Variants in NPC1L1 observed in about 807,000 individuals in gnomAD.
The protein encoded by NPC1L1 is NPC1-like intracellular cholesterol transporter 1.
Under a neutral mutation model 117.0 loss-of-function variants are expected in NPC1L1, and 98 were observed. The observed-to-expected ratio is 0.84, with a 90% CI of 0.71 to 0.99. NPC1L1 has a LOEUF of 0.99. Among genes scored for constraint, NPC1L1 ranks in the 50% least tolerant of loss-of-function variants. The pLI is 0.00. For synonymous variants in NPC1L1, 729 were observed against 727.6 expected (o/e 1.00, Z -0.03); for missense variants, 1,540 against 1,710.0 (o/e 0.90, Z 1.75).
rs1333085397 is a variant in NPC1L1, at chr7:44,522,152, AGTTGTAGCCCAAG to A, written c.2715_2727del (p.Leu906SerfsTer7). On this transcript the variant is annotated frameshift_variant, in exon 11 of 19. Coordinates refer to ENST00000381160, the MANE Select transcript of NPC1L1 (RefSeq NM_001101648.2). LOFTEE classifies it high-confidence loss of function. ...GCATTCATCCCAGCCTCGCTGGAGA[AGTTGTAGCCCAAG>A]GTGGTAACAAAGTACACCGGGGCCC... 6.2e-7 allele frequency: 1 copy of A among 1,613,882 alleles called. No homozygotes were observed. The highest frequency in any genetic ancestry group is 8.5e-7 in the Non-Finnish European group (1 of 1,179,974).
rs949636892 is a variant in NPC1L1, at chr7:44,534,311, G to A, written c.2166+136C>T. Reference sequence around the variant, plus strand: ...ACACACTCTAGTTTCTACAGATATTGTAAACATGCGTGTCGATGAACAGAA... The same window carrying A: ...ACACACTCTAGTTTCTACAGATATTATAAACATGCGTGTCGATGAACAGAA... On this transcript the variant is annotated intron_variant, in intron 6 of 18. Transcript: ENST00000381160. The surrounding 1 kb of genome is among the most constrained non-coding windows in gnomAD (Gnocchi z 5.2). 1.2e-6 allele frequency: 1 copy of A among 846,036 alleles called. No individual in the cohort carries two copies. Among genetic ancestry groups the A allele is most frequent in the African/African-American group, 1.7e-5 (1 of 60,104 alleles). 52.4% of individuals were successfully genotyped at this position (846,036 alleles called of 1,614,324 possible).
intron 12 of NPC1L1, 99 bp downstream of exon 12, chr7:44,521,613 G>T: frequency 6.4e-7 from 1 of 1,566,506 alleles, no homozygotes; most frequent in Non-Finnish European, 8.8e-7. Context: ...TGCAGGATGC[G>T]TGGGAGAGGT....
chr7:44,518,806 G>C, intron 14 of NPC1L1: 23 of 946,594 alleles, frequency 2.4e-5, no homozygotes, highest in Non-Finnish European at 3.0e-5. Context: ...AGCAGGGGAG[G>C]TGCCTGGAGA....
At chr7:44,520,004 G>T (rs1439327768) in intron 14 of NPC1L1, among the ~76,000 whole-genome samples, 1 of 152,066 alleles carries the variant, frequency 6.6e-6, no homozygotes, top group Non-Finnish European at 1.5e-5. Context: ...AGGAGGCCGG[G>T]CACAGTGGCT....
At position 44,539,417 on chromosome 7, in the gene NPC1L1, T is replaced by C; in HGVS notation, c.980A>G (p.Asp327Gly). The C allele has an allele frequency of 1.2e-6, 2 of 1,614,128 alleles. No homozygotes were observed. Among genetic ancestry groups the C allele is most frequent in the Non-Finnish European group, 1.7e-6 (2 of 1,180,008 alleles). The change falls in exon 2 of 19, where the codon GAC becomes GGC. Residue 327 changes from aspartate to glycine, a missense_variant. Around this residue, in one of 3 missense-constraint regions of NPC1L1, gnomAD observed 793 missense variants for 820.4 expected, o/e 0.97. Coordinates refer to ENST00000381160, the MANE Select transcript of NPC1L1 (RefSeq NM_001101648.2). This position sits in a 1 kb window ranked among gnomAD's most constrained non-coding sequence, Gnocchi z 4.4. ...VDPKKGTSLS[D>G]KLSFSTHTLL... ...GGTGTGGGTGGAGAAGCTGAGCTTG[T>C]CAGAGAGGCTGGTGCCCTTCTTGGG...
intron 10 of NPC1L1, among the ~76,000 whole-genome samples, chr7:44,529,153 ACACACACACACG>A (rs1801619858): frequency 1.5e-5 from 2 of 135,530 alleles, no homozygotes; most frequent in Non-Finnish European, 1.6e-5. Context: ...ACACACACAC[ACACACACACACG>A]ATCGAGATTG....
chr7:44,518,669 C>CAAAAA, intron 14 of NPC1L1: 1 of 944,776 alleles, frequency 1.1e-6, no homozygotes, highest in South Asian at 1.8e-5. Flanking sequence ...AACTGTGTCT[C>CAAAAA]AAAAAAAAAA....
chr7:44,536,594 C>A lies in NPC1L1; in HGVS notation c.1682-166G>T, dbSNP rs1306902380. ...TGATACATGGCCTTACCTCCTACAC[C>A]CCACTTCTCTCAGCCAAAGGCGAGA... is the stretch of plus-strand genomic sequence containing the variant. On this transcript the variant is annotated intron_variant, in intron 3 of 18. Transcript: ENST00000381160. The surrounding 1 kb of genome is among the most constrained non-coding windows in gnomAD (Gnocchi z 4.7). Among the ~76,000 whole-genome samples, 2 of 150,906 alleles carry A rather than the reference C, an allele frequency of 1.3e-5. No homozygotes were observed. Among genetic ancestry groups the A allele is most frequent in the Non-Finnish European group, 2.9e-5 (2 of 67,976 alleles).
rs749651557 is a variant in NPC1L1, at chr7:44,540,299, C to A, written c.98G>T (p.Cys33Phe). The A allele has an allele frequency of 1.9e-5, 30 of 1,613,698 alleles. No homozygotes were observed. The highest frequency in any genetic ancestry group is 2.5e-5 in the Non-Finnish European group (30 of 1,180,018). ...CTTCCCACATTCGTCATAGAAGGCG[C>A]AGTAGCCAGGCTGGTGGATGGTTGT... ...PYTTIHQPGY[C>F]AFYDECGKNP... Residue 33 changes from cysteine (C) to phenylalanine (F), a missense_variant, in exon 2 of 19, where the codon TGC (cysteine) becomes TTC (phenylalanine). Transcript: ENST00000381160.
intron 14 of NPC1L1, chr7:44,518,569 T>TGAGGCAGGAGAATTACTTG (rs1801257885): frequency 2.5e-6 from 1 of 397,994 alleles, no homozygotes; most frequent in African/African-American, 2.1e-5. Flanking sequence ...CTAGGGAGGC[T>TGAGGCAGGAGAATTACTTG]GAGGCAGGAG....
chr7:44,523,666 A>G (rs1801426360), intron 10 of NPC1L1, among the ~76,000 whole-genome samples: 1 of 151,978 alleles, frequency 6.6e-6, no homozygotes, highest in African/African-American at 2.4e-5. Context: ...AGAGTGGGAG[A>G]CCGATCTGGG....
At chr7:44,520,615 G>A in intron 14 of NPC1L1, 150 bp downstream of exon 14, 1 of 757,776 alleles carries the variant, frequency 1.3e-6, no homozygotes, top group Non-Finnish European at 2.4e-6. Flanking sequence ...TGTGGAGCTG[G>A]GAAACAAGAC....
chr7:44,534,434 C>T lies in NPC1L1; in HGVS notation c.2166+13G>A. On this transcript the variant is annotated intron_variant, in intron 6 of 18. Coordinates refer to ENST00000381160, the MANE Select transcript of NPC1L1 (RefSeq NM_001101648.2). The surrounding 1 kb of genome is among the most constrained non-coding windows in gnomAD (Gnocchi z 5.2). ...TGGGCAGTTGGGGGTGTGGAGAGCT[C>T]CTCCCTTCTTACCTGGTACTCGAGA... is the stretch of plus-strand genomic sequence containing the variant. The T allele has an allele frequency of 6.2e-7, 1 of 1,613,808 alleles. No homozygotes were observed. The highest frequency in any genetic ancestry group is 2.2e-5 in the East Asian group (1 of 44,878).
At chr7:44,540,994 CCT>C (rs1802085503) in intron 1 of NPC1L1, among the ~76,000 whole-genome samples, 1 of 152,078 alleles carries the variant, frequency 6.6e-6, no homozygotes, top group African/African-American at 2.4e-5. Context: ...CTCTTTCACC[CCT>C]GTGTGCATTC....
chr7:44,514,191 A>T (rs1468855127), intron 18 of NPC1L1, among the ~76,000 whole-genome samples: 1 of 152,152 alleles, frequency 6.6e-6, no homozygotes, highest in Non-Finnish European at 1.5e-5. Context: ...ACCCCTCTAT[A>T]AATGTCCTCT....
At chr7:44,523,135 A>C (rs1388616827) in intron 10 of NPC1L1, among the ~76,000 whole-genome samples, 1 of 152,158 alleles carries the variant, frequency 6.6e-6, no homozygotes, top group East Asian at 1.9e-4. Context: ...TGCTCACTGC[A>C]ACCTCCGCCT....
At chr7:44,532,326 C>A (rs1156303558) in intron 8 of NPC1L1, 109 bp from the exon 9 acceptor site, 2 of 1,310,962 alleles carry the variant, frequency 1.5e-6, no homozygotes, top group East Asian at 2.3e-5. Flanking sequence ...CGTGCCAGTG[C>A]CCTCATGGAG....
chr7:44,527,319 G>A (rs1020111488), intron 10 of NPC1L1, among the ~76,000 whole-genome samples: 6 of 151,706 alleles, frequency 4.0e-5, no homozygotes, highest in South Asian at 2.1e-4. Context: ...TTAGCCTGGC[G>A]TGGTGGCACA....
rs1801979353 is a variant in NPC1L1, at chr7:44,538,838, T to A, written c.1559A>T (p.Asp520Val). 1 of 1,614,144 alleles carries A rather than the reference T, an allele frequency of 6.2e-7. No homozygotes were observed. The highest frequency in any genetic ancestry group is 8.5e-7 in the Non-Finnish European group (1 of 1,180,030). ...TCACTTGGCACAGTACAGAAAATGG[T>A]CCTTCCAGTCGACTTGGGAGGTCTG... Reference protein sequence around the residue: ...MGQTSQVDWKDHFLYCANAPL... With the variant: ...MGQTSQVDWKVHFLYCANAPL... The change falls in exon 2 of 19, where the codon GAC becomes GTC. Residue 520 changes from aspartate (D) to valine (V), a missense_variant. Asp to Val is a radical substitution (Grantham distance 152, BLOSUM62 -3). Transcript: ENST00000381160. The surrounding 1 kb of genome is among the most constrained non-coding windows in gnomAD (Gnocchi z 5.9).
Sources: allele counts gnomAD v4.1 joint callset (sites outside exome capture counted in the v4.1 genomes callset), GRCh38; gene constraint gnomAD v4.1.1; regional missense constraint gnomAD v4.1.1; non-coding constraint Gnocchi (gnomAD v3.1); transcripts MANE v1.5; gene names NCBI Gene and HGNC (gene_info 2026-07-23, HGNC 2026-07-21).